Variants in EPHB6 observed in about 807,000 individuals in gnomAD.
The protein encoded by EPHB6 is EPH receptor B6.
EPHB6 carries 51 observed loss-of-function variants against 107.0 expected under a neutral mutation model. The ratio of observed to expected loss-of-function variants is 0.48; its 90% CI spans 0.38 to 0.60. EPHB6 has a LOEUF of 0.60. EPHB6 is among the 20% of genes least tolerant of loss of function. The pLI is 0.00. For synonymous variants in EPHB6, 553 were observed against 549.0 expected (o/e 1.01, Z -0.10); for missense variants, 1,141 against 1,355.5 (o/e 0.84, Z 2.48).
At chr7:142,865,450 C>T (rs202182243) in intron 7 of EPHB6, 25 bp from the exon 8 acceptor site, 520 of 1,612,182 alleles carry the variant, frequency 3.2e-4, no homozygotes, top group Admixed American at 5.7e-4. Context: ...GAGTGTGACG[C>T]CCCCACTCTC....
Position 142,866,827 on chromosome 7 carries a change from G to A in EPHB6, c.1588-79G>A. 6.2e-7 allele frequency: 1 copy of A among 1,610,666 alleles called. No homozygotes were observed. The highest frequency in any genetic ancestry group is 8.5e-7 in the Non-Finnish European group (1 of 1,177,298). On this transcript the variant is annotated intron_variant, in intron 10 of 19. Transcript: ENST00000652003. This position sits in a 1 kb window ranked among gnomAD's most constrained non-coding sequence, Gnocchi z 5.2. ...TGTGTCTGAGAGCCCTGTCAACCAGGGAGGGTGGCTGGGGGCCTTAGGGGC... is the reference window on the plus strand; with the variant it reads ...TGTGTCTGAGAGCCCTGTCAACCAGAGAGGGTGGCTGGGGGCCTTAGGGGC...
At chr7:142,862,403 C>T (rs954088528) in intron 3 of EPHB6, among the ~76,000 whole-genome samples, 6 of 152,184 alleles carry the variant, frequency 3.9e-5, no homozygotes, top group African/African-American at 1.4e-4. Context: ...GGTTATTCTT[C>T]TGTAAGCTCT....
At position 142,867,661 on chromosome 7, in the gene EPHB6, C is replaced by T. The variant is rs1164459606; in HGVS notation, c.1804C>T (p.Leu602=). ...ACTCTCCTTGGTGATCGGCTCCATC[C>T]TGGGGGCTTTGGCCTTCCTCCTGCT... ...ERLSLVIGSI[L]GALAFLLLAA... Residue 602 remains leucine (L), a synonymous_variant, in exon 12 of 20, where the codon CTG becomes TTG. Coordinates refer to ENST00000652003, the MANE Select transcript of EPHB6 (RefSeq NM_004445.6). This position sits in a 1 kb window ranked among gnomAD's most constrained non-coding sequence, Gnocchi z 5.3. The T allele has an allele frequency of 1.2e-6, 2 of 1,613,676 alleles. No individual in the cohort carries two copies. The highest frequency in any genetic ancestry group is 1.7e-6 in the Non-Finnish European group (2 of 1,179,962).
At chr7:142,859,529 A>G (rs1013054892) in intron 1 of EPHB6, among the ~76,000 whole-genome samples, 4 of 152,210 alleles carry the variant, frequency 2.6e-5, no homozygotes, top group African/African-American at 9.7e-5. Context: ...GGGTACACCC[A>G]TATTCTTTTT....
intron 1 of EPHB6, among the ~76,000 whole-genome samples, chr7:142,858,423 CTTTTTTTTTTTTTTTTT>C (rs958011230): frequency 1.7e-5 from 1 of 57,580 alleles, no homozygotes; most frequent in African/African-American, 7.5e-5. Context: ...TTAAGTCATT[CTTTTTTTTTTTTTTTTT>C]TTTTTTTTTT....
In EPHB6 at chr7:142,868,780, A is replaced by T. The variant is rs1315063202; in HGVS notation, c.2286+41A>T. On this transcript the variant is annotated intron_variant, in intron 15 of 19. Coordinates refer to ENST00000652003, the MANE Select transcript of EPHB6 (RefSeq NM_004445.6). This position sits in a 1 kb window ranked among gnomAD's most constrained non-coding sequence, Gnocchi z 4.2. The stretch of plus-strand genomic sequence containing the variant: ...GTGAAGGAGGAGGGTCCTTGGGTCC[A>T]GGAAAGCTTCCAGGAGACGAGGTCC... 1.2e-6 allele frequency: 2 copies of T among 1,613,534 alleles called. No homozygotes were observed. Among genetic ancestry groups the T allele is most frequent in the Non-Finnish European group, 1.7e-6 (2 of 1,179,992 alleles).
In EPHB6 at chr7:142,868,856, C is replaced by T; in HGVS notation, c.2286+117C>T. 6.3e-7 allele frequency: 1 copy of T among 1,596,644 alleles called. No homozygotes were observed. On this transcript the variant is annotated intron_variant, in intron 15 of 19. Coordinates refer to ENST00000652003, the MANE Select transcript of EPHB6 (RefSeq NM_004445.6). This position sits in a 1 kb window ranked among gnomAD's most constrained non-coding sequence, Gnocchi z 4.2. ...CCTTCCATGGTCTCCGTCCTTCCTT[C>T]CCAGCCATTTTCTGATTCGACACCC...
chr7:142,858,957 C>A (rs762231667), intron 1 of EPHB6, among the ~76,000 whole-genome samples: 2 of 152,160 alleles, frequency 1.3e-5, no homozygotes, highest in Non-Finnish European at 2.9e-5. Context: ...TCATAGACTG[C>A]AATTTTTGTT....
chr7:142,870,575 T>C lies in EPHB6; in HGVS notation c.2850T>C (p.Cys950=). The C allele has an allele frequency of 6.2e-7, 1 of 1,614,250 alleles. No homozygotes were observed. The highest frequency in any genetic ancestry group is 8.5e-7 in the Non-Finnish European group (1 of 1,180,036). ...CCCCTGTGGCCCTGGACTTTCCTTG[T>C]CTGGACTCACCCCAGGCCTGGCTTT... ...LLTPVALDFP[C]LDSPQAWLSA... The change falls in exon 19 of 20, where the codon TGT becomes TGC. Residue 950 remains cysteine (C), a synonymous_variant. Transcript: ENST00000652003.
rs1331445460 is a variant in EPHB6, at chr7:142,867,561, C to T, written c.1751-47C>T. 2 of 1,527,610 alleles carry T rather than the reference C, an allele frequency of 1.3e-6. No homozygotes were observed. The highest frequency in any genetic ancestry group is 1.8e-5 in the Admixed American group (1 of 55,684). The allele number at this position is 1,527,610 out of a possible 1,614,324, so 94.6% of individuals were successfully genotyped here. A position where few individuals can be genotyped will look rare whatever the true frequency, so the allele number is the denominator to read the frequency against. On this transcript the variant is annotated intron_variant, in intron 11 of 19. Coordinates refer to ENST00000652003, the MANE Select transcript of EPHB6 (RefSeq NM_004445.6). This position sits in a 1 kb window ranked among gnomAD's most constrained non-coding sequence, Gnocchi z 5.3. ...GGTGCCTGGGCACATGAACAAGCAC[C>T]TGTGAGAGACCTGGCCCACCTGTGA... is the stretch of plus-strand genomic sequence containing the variant.
chr7:142,857,800 A>G (rs1802673777), intron 1 of EPHB6, among the ~76,000 whole-genome samples: 1 of 152,222 alleles, frequency 6.6e-6, no homozygotes, highest in Non-Finnish European at 1.5e-5. Flanking sequence ...GAAGAGAAGC[A>G]TGCATGATGT....
chr7:142,867,981 C>T lies in EPHB6; in HGVS notation c.1866-16C>T, dbSNP rs1253928961. 6.4e-7 allele frequency: 1 copy of T among 1,565,672 alleles called. No homozygotes were observed. The highest frequency in any genetic ancestry group is 1.2e-5 in the South Asian group (1 of 85,436). ...GAAATGGGAGCGTCATCCCCAGTCACCGTTTTGTTCCTCAGGAAGCGGCGT... is the reference window on the plus strand; with the variant it reads ...GAAATGGGAGCGTCATCCCCAGTCATCGTTTTGTTCCTCAGGAAGCGGCGT... On this transcript the variant is annotated splice_polypyrimidine_tract_variant and intron_variant, in intron 12 of 19. Coordinates refer to ENST00000652003, the MANE Select transcript of EPHB6 (RefSeq NM_004445.6). This position sits in a 1 kb window ranked among gnomAD's most constrained non-coding sequence, Gnocchi z 5.3.
chr7:142,864,589 T>C lies in EPHB6; in HGVS notation c.789T>C (p.Cys263=), dbSNP rs755483166. 4 of 1,612,906 alleles carry C rather than the reference T, an allele frequency of 2.5e-6. No individual in the cohort carries two copies. The South Asian group carries it at 4.4e-5, about 18-fold the overall frequency. The change falls in exon 7 of 20, where the codon TGT becomes TGC. Residue 263 remains cysteine, a synonymous_variant. Transcript: ENST00000652003. ...CCCTGGTGGCAGCTGTGGGCACCTG[T>C]GTGGCTCATGCAGAGCCAGAGGAGG... is the stretch of plus-strand genomic sequence containing the variant. ...GASLVAAVGT[C]VAHAEPEEDG...
intron 6 of EPHB6, 56 bp downstream of exon 6, chr7:142,863,751 C>G (rs1802969713): frequency 4.4e-6 from 7 of 1,584,494 alleles, no homozygotes; most frequent in Non-Finnish European, 5.2e-6. Flanking sequence ...CTCCCTGTTC[C>G]CTGGAGAGTG....
chr7:142,864,873 A>G, intron 7 of EPHB6, 124 bp downstream of exon 7: 1 of 1,206,566 alleles, frequency 8.3e-7, no homozygotes, highest in Non-Finnish European at 1.2e-6. Flanking sequence ...CATCTTAGGA[A>G]AGGACCCTGA....
rs1563350125 is a variant in EPHB6 at position 142,870,584 on chromosome 7, A to G, written c.2859A>G (p.Ser953=). The change falls in exon 19 of 20, where the codon TCA becomes TCG. Residue 953 remains serine, a synonymous_variant. Transcript: ENST00000652003. ...CCCTGGACTTTCCTTGTCTGGACTC[A>G]CCCCAGGCCTGGCTTTCAGCCATTG... ...PVALDFPCLD[S]PQAWLSAIGL... The G allele has an allele frequency of 1.2e-6, 2 of 1,614,100 alleles. No individual in the cohort carries two copies. The highest frequency in any genetic ancestry group is 1.7e-6 in the Non-Finnish European group (2 of 1,179,996).
rs1794826729 is a variant in EPHB6 at position 142,870,110 on chromosome 7, C to T, written c.2611-104C>T. The T allele has an allele frequency of 1.3e-5, 21 of 1,582,834 alleles. No individual in the cohort carries two copies. The South Asian group carries it at 2.1e-4, about 16-fold the overall frequency. On this transcript the variant is annotated intron_variant, in intron 17 of 19. Coordinates refer to ENST00000652003, the MANE Select transcript of EPHB6 (RefSeq NM_004445.6). ...CATATCTTTGAGTTCCTTCTCCACT[C>T]CAACCTCATGCTCCACCAGATTCCA...
At position 142,864,270 on chromosome 7, in the gene EPHB6, C is replaced by T. The variant is rs1803009110; in HGVS notation, c.470C>T (p.Thr157Ile). 6 of 1,612,930 alleles carry T rather than the reference C, an allele frequency of 3.7e-6. No homozygotes were observed. The highest frequency in any genetic ancestry group is 5.1e-6 in the Non-Finnish European group (6 of 1,179,858). Reference protein sequence around the residue: ...WHLKRWTKVDTIAADESFPSS... With the variant: ...WHLKRWTKVDIIAADESFPSS... ...CTCAAACGCTGGACCAAGGTGGACA[C>T]AATTGCAGCAGACGAGAGCTTTCCC... The change falls in exon 7 of 20, where the codon ACA becomes ATA. Residue 157 changes from threonine to isoleucine, a missense_variant. Physicochemically the swap from Thr to Ile is moderately conservative, Grantham distance 89. This residue lies in a region of EPHB6 where 221 missense variants were observed against 300.5 expected (regional missense o/e 0.74). Transcript: ENST00000652003.
At chr7:142,857,328 G>A (rs1802651899) in intron 1 of EPHB6, among the ~76,000 whole-genome samples, 1 of 152,232 alleles carries the variant, frequency 6.6e-6, no homozygotes, top group Non-Finnish European at 1.5e-5. Flanking sequence ...CCGGAGGACA[G>A]CCACCTCCTC....
Sources: allele counts gnomAD v4.1 joint callset (sites outside exome capture counted in the v4.1 genomes callset), GRCh38; gene constraint gnomAD v4.1.1; regional missense constraint gnomAD v4.1.1; non-coding constraint Gnocchi (gnomAD v3.1); transcripts MANE v1.5; gene names NCBI Gene and HGNC (gene_info 2026-07-23, HGNC 2026-07-21).